The following TRPM6 variants were observed in gnomAD, a reference collection of about 807,000 sequenced individuals.
The protein encoded by TRPM6 is transient receptor potential cation channel subfamily M member 6.
Under a neutral mutation model 247.6 loss-of-function variants are expected in TRPM6, and 111 were observed. That is an observed-to-expected ratio of 0.45 (90% CI 0.38 to 0.52). The LOEUF (loss-of-function observed/expected upper bound fraction) is 0.52. TRPM6 is among the 20% of genes least tolerant of loss of function. TRPM6 has a pLI of 0.00. For synonymous variants in TRPM6, 892 were observed against 853.8 expected (o/e 1.04, Z -0.78); for missense variants, 2,126 against 2,421.5 (o/e 0.88, Z 2.56).
At chr9:74,834,213 A>G in intron 5 of TRPM6, 91 bp from the exon 6 acceptor site, 10 of 1,486,606 alleles carry the variant, frequency 6.7e-6, no homozygotes, top group Non-Finnish European at 8.4e-6. Context: ...ATAGGCAAGC[A>G]TATGCAAGGG....
chr9:74,782,543 C>A (rs1464543080), intron 22 of TRPM6, 67 bp from the exon 23 acceptor site: 15 of 1,438,766 alleles, frequency 1.0e-5, no homozygotes, highest in Non-Finnish European at 1.4e-5. Context: ...TCTAGACACA[C>A]ATTTAGCACA....
rs1017813248 is a variant in TRPM6 at position 74,798,996 on chromosome 9, T to C, written c.2238+1258A>G. 2.6e-5 allele frequency among the ~76,000 whole-genome samples: 4 copies of C among 152,190 alleles called. No individual in the cohort carries two copies. In the East Asian group the frequency reaches 7.7e-4, roughly 29 times the overall value. ...CTCAAACTACCAGCTATCTATATCT[T>C]ATCTCACTCCCTGAACATTGAACTT... On this transcript the variant is annotated intron_variant, in intron 17 of 38. Transcript: ENST00000360774.
chr9:74,870,616 C>T (rs1333696865), intron 1 of TRPM6, among the ~76,000 whole-genome samples: 3 of 152,126 alleles, frequency 2.0e-5, no homozygotes, highest in African/African-American at 7.2e-5. Flanking sequence ...ATTCCTTTAG[C>T]TGCACTTAGA....
chr9:74,782,372 C>T lies in TRPM6; in HGVS notation c.3199G>A (p.Ala1067Thr). 2 of 1,611,578 alleles carry T rather than the reference C, an allele frequency of 1.2e-6. No homozygotes were observed. The highest frequency in any genetic ancestry group is 1.1e-5 in the South Asian group (1 of 90,964). Residue 1067 changes from alanine (A) to threonine (T), a missense_variant, in exon 23 of 39, where the codon GCT becomes ACT. Coordinates refer to ENST00000360774, the MANE Select transcript of TRPM6 (RefSeq NM_017662.5). ...QYIIMVNLLI[A>T]FFNNVYLDME... ...ATTGAAATAACCTACTTGAAGAAAG[C>T]AATCAACAGGTTCACCATGATGATA...
chr9:74,887,806 C>G lies in TRPM6; in HGVS notation c.33+18G>C. ...CCTAAGGTCCTTGTTCCCCGCCAGT[C>G]GAGCAGCCTGAGCTTACCTGCAAGC... On this transcript the variant is annotated intron_variant, in intron 1 of 38. Transcript: ENST00000360774. 6.2e-7 allele frequency: 1 copy of G among 1,614,152 alleles called. No individual in the cohort carries two copies. The highest frequency in any genetic ancestry group is 1.7e-5 in the Admixed American group (1 of 60,018).
chr9:74,868,617 GCAA>G (rs1276498859), intron 1 of TRPM6, among the ~76,000 whole-genome samples: 1 of 152,212 alleles, frequency 6.6e-6, no homozygotes, highest in Non-Finnish European at 1.5e-5. Context: ...ACAATCGTAG[GCAA>G]CAGGACACTA....
At chr9:74,880,509 C>T (rs1015058036) in intron 1 of TRPM6, among the ~76,000 whole-genome samples, 1 of 151,900 alleles carries the variant, frequency 6.6e-6, no homozygotes, top group African/African-American at 2.4e-5. Context: ...AGAAACTTTA[C>T]AAGCCAGGAG....
At chr9:74,858,601 C>T in intron 2 of TRPM6, 68 bp downstream of exon 2, 1 of 986,212 alleles carries the variant, frequency 1.0e-6, no homozygotes, top group South Asian at 1.5e-5. Context: ...AGTCATATTT[C>T]TAAGTTTCTA....
chr9:74,868,387 C>T (rs996418996), intron 1 of TRPM6, among the ~76,000 whole-genome samples: 5 of 151,748 alleles, frequency 3.3e-5, no homozygotes, highest in African/African-American at 9.7e-5. Flanking sequence ...CCCAGCTACT[C>T]GGGAGGCTGA....
intron 25 of TRPM6, among the ~76,000 whole-genome samples, chr9:74,770,511 T>C (rs895437121): frequency 3.3e-5 from 5 of 152,178 alleles, no homozygotes; most frequent in African/African-American, 7.2e-5. Context: ...AGCTTCCTAA[T>C]ATGTTCAGTC....
In TRPM6 at chr9:74,732,697, G is replaced by T; in HGVS notation, c.5816C>A (p.Pro1939His). The change falls in exon 37 of 39, where the codon CCT becomes CAT. Residue 1939 changes from proline (P) to histidine (H), a missense_variant. Pro to His is a moderately conservative substitution (Grantham distance 77, BLOSUM62 -2). This residue lies in a region of TRPM6 where 327 missense variants were observed against 397.7 expected (regional missense o/e 0.82). Coordinates refer to ENST00000360774, the MANE Select transcript of TRPM6 (RefSeq NM_017662.5). ...ENLTDPSVIK[P>H]EVKQSRGMVF... is the part of the protein sequence containing the mutation. ...TAAATTAACTTACTGTTTGACTTCA[G>T]GTTTTATAACAGATGGATCTGTCAA... 6.2e-7 allele frequency: 1 copy of T among 1,608,364 alleles called. No homozygotes were observed. Among genetic ancestry groups the T allele is most frequent in the Non-Finnish European group, 8.5e-7 (1 of 1,176,974 alleles).
Position 74,834,018 on chromosome 9 carries a change from T to C in TRPM6, c.649A>G (p.Arg217Gly), listed in dbSNP as rs1373262362. 6.2e-7 allele frequency: 1 copy of C among 1,614,156 alleles called. No homozygotes were observed. The highest frequency in any genetic ancestry group is 1.3e-5 in the African/African-American group (1 of 75,066). Residue 217 changes from arginine to glycine, a missense_variant, in exon 6 of 39, where the codon AGA (arginine) becomes GGA (glycine). Coordinates refer to ENST00000360774, the MANE Select transcript of TRPM6 (RefSeq NM_017662.5). ...IPPWGVIENQRDLIGKDVVCL... is the reference protein window; with the variant it reads ...IPPWGVIENQGDLIGKDVVCL... ...CTTACATCTTTTCCAATAAGGTCTCTCTGGTTCTCAATGACACCCCAAGGA... is the reference window on the plus strand; with the variant it reads ...CTTACATCTTTTCCAATAAGGTCTCCCTGGTTCTCAATGACACCCCAAGGA...
intron 27 of TRPM6, among the ~76,000 whole-genome samples, chr9:74,759,132 T>C (rs1178623636): frequency 6.6e-6 from 1 of 152,046 alleles, no homozygotes. Context: ...AATGGAGAAA[T>C]ACATCATGTT....
intron 6 of TRPM6, among the ~76,000 whole-genome samples, chr9:74,829,644 G>A (rs1309284123): frequency 6.6e-6 from 1 of 152,098 alleles, no homozygotes; most frequent in Non-Finnish European, 1.5e-5. Flanking sequence ...ATAAACATTA[G>A]GCTTTAAATG....
At chr9:74,825,939 C>A (rs1047894146) in intron 7 of TRPM6, among the ~76,000 whole-genome samples, 1 of 152,066 alleles carries the variant, frequency 6.6e-6, no homozygotes, top group Non-Finnish European at 1.5e-5. Flanking sequence ...TCCTACCCCG[C>A]AGAAGACCAC....
At chr9:74,733,608 A>G (rs1395303232) in intron 36 of TRPM6, among the ~76,000 whole-genome samples, 1 of 152,244 alleles carries the variant, frequency 6.6e-6, no homozygotes, top group African/African-American at 2.4e-5. Flanking sequence ...GTTCAAACCA[A>G]TTATGTCATC....
At chr9:74,809,094 TC>T (rs1828636035) in intron 13 of TRPM6, among the ~76,000 whole-genome samples, 1 of 152,080 alleles carries the variant, frequency 6.6e-6, no homozygotes, top group Non-Finnish European at 1.5e-5. Context: ...TATCTGAAAC[TC>T]CATACAGGCA....
intron 9 of TRPM6, among the ~76,000 whole-genome samples, chr9:74,818,293 C>CTTTTTTTTTTTTT (rs1161401022): frequency 8.3e-5 from 6 of 72,022 alleles, no homozygotes; most frequent in African/African-American, 2.5e-4. Flanking sequence ...TCTATCATTT[C>CTTTTTTTTTTTTT]TTTTTTTTTT....
chr9:74,762,633 C>A lies in TRPM6; in HGVS notation c.4038G>T (p.Leu1346=). 6.2e-7 allele frequency: 1 copy of A among 1,614,150 alleles called. No homozygotes were observed. The highest frequency in any genetic ancestry group is 8.5e-7 in the Non-Finnish European group (1 of 1,180,020). Residue 1346 remains leucine, a synonymous_variant, in exon 26 of 39, where the codon CTG becomes CTT. Coordinates refer to ENST00000360774, the MANE Select transcript of TRPM6 (RefSeq NM_017662.5). ...QAHSKYGQFL[L]VPSNLKRVPF... Reference sequence around the variant, plus strand: ...GAACTCGCTTTAGATTAGAGGGGACCAGAAGAAACTGGCCATACTTTGAGT... The same window carrying A: ...GAACTCGCTTTAGATTAGAGGGGACAAGAAGAAACTGGCCATACTTTGAGT...
Sources: allele counts gnomAD v4.1 joint callset (sites outside exome capture counted in the v4.1 genomes callset), GRCh38; gene constraint gnomAD v4.1.1; regional missense constraint gnomAD v4.1.1; transcripts MANE v1.5; gene names NCBI Gene and HGNC (gene_info 2026-07-23, HGNC 2026-07-21).